Variants in CFDP1 observed in about 807,000 individuals in gnomAD.
CFDP1 encodes the protein chromatin remodeling protein CFDP1, also known as heterochromatin-stabilizing protein CFDP1.
In CFDP1, 31 loss-of-function variants were observed where a neutral mutation model predicts 40.1. That is an observed-to-expected ratio of 0.77 (90% CI 0.58 to 1.04). The LOEUF (loss-of-function observed/expected upper bound fraction) is 1.04, where lower values mean the gene tolerates loss of function less well. CFDP1 is among the 50% of genes least tolerant of loss of function. The pLI is 0.00. For missense variants in CFDP1, 423 were observed against 343.4 expected (o/e 1.23, Z -1.83); for synonymous variants, 167 against 120.0 (o/e 1.39, Z -2.56).
At chr16:75,328,009 C>T (rs1016981924) in intron 5 of CFDP1, among the ~76,000 whole-genome samples, 6 of 151,882 alleles carry the variant, frequency 4.0e-5, no homozygotes, top group Admixed American at 6.6e-5. Flanking sequence ...GGATTACAGG[C>T]GTATGCCACA....
intron 5 of CFDP1, among the ~76,000 whole-genome samples, chr16:75,336,129 C>A (rs564840113): frequency 6.6e-6 from 1 of 152,298 alleles, no homozygotes; most frequent in African/African-American, 2.4e-5. Context: ...ATCAGTATCA[C>A]TTAGGATTTT....
At position 75,306,902 on chromosome 16, in the gene CFDP1, C is replaced by CAT. The variant is rs1555552534; in HGVS notation, c.651-1721_651-1720insAT. ...TCACACACACACACACACACACACA[C>CAT]GCACACACACACACTTTCTTTTTCA... On this transcript the variant is annotated intron_variant, in intron 5 of 6. Transcript: ENST00000283882. 5.3e-3 allele frequency among the ~76,000 whole-genome samples: 787 copies of CAT among 149,566 alleles called. 9 individuals are homozygous for CAT. Among genetic ancestry groups the CAT allele is most frequent in the African/African-American group, 0.014 (582 of 40,812 alleles).
intron 5 of CFDP1, among the ~76,000 whole-genome samples, chr16:75,389,413 C>G (rs2078929385): frequency 6.6e-6 from 1 of 152,194 alleles, no homozygotes; most frequent in Non-Finnish European, 1.5e-5. Flanking sequence ...AAAACATAAA[C>G]TTTGGCTTTT....
intron 6 of CFDP1, among the ~76,000 whole-genome samples, chr16:75,300,937 G>A (rs982865913): frequency 6.6e-6 from 1 of 152,108 alleles, no homozygotes; most frequent in Admixed American, 6.5e-5. Flanking sequence ...AGCCAGCCAG[G>A]GATTCTGGGA....
intron 5 of CFDP1, among the ~76,000 whole-genome samples, chr16:75,318,741 C>T (rs551016088): frequency 9.2e-5 from 14 of 152,278 alleles, no homozygotes; most frequent in African/African-American, 3.1e-4. Flanking sequence ...TGCTTTTAGA[C>T]TTTCAGCTTT....
Position 75,347,217 on chromosome 16 carries a change from G to A in CFDP1, c.651-42035C>T, listed in dbSNP as rs943209616. On this transcript the variant is annotated intron_variant, in intron 5 of 6. Transcript: ENST00000283882. ...AAGTCAGCTGGGCATAATGGCGGGC[G>A]CTTGTAATCCCAGGTACTCAGGAGG... Among the ~76,000 whole-genome samples, 8 of 151,266 alleles carry A rather than the reference G, an allele frequency of 5.3e-5. No individual in the cohort carries two copies. In the Middle Eastern group the frequency reaches 0.017, roughly 324 times the overall value.
At chr16:75,347,127 C>T (rs971642329) in intron 5 of CFDP1, among the ~76,000 whole-genome samples, 4 of 151,838 alleles carry the variant, frequency 2.6e-5, no homozygotes, top group South Asian at 2.1e-4. Context: ...GGGTGAATCA[C>T]GGGGTCAGAG....
chr16:75,382,170 G>T (rs887826790), intron 5 of CFDP1, among the ~76,000 whole-genome samples: 1 of 151,656 alleles, frequency 6.6e-6, no homozygotes, highest in African/African-American at 2.4e-5. Flanking sequence ...ACTGAGAAGG[G>T]GTATTCTGAG....
intron 6 of CFDP1, among the ~76,000 whole-genome samples, chr16:75,297,374 G>A (rs1371774119): frequency 6.6e-6 from 1 of 152,044 alleles, no homozygotes; most frequent in Non-Finnish European, 1.5e-5. Context: ...CAAAACCCAG[G>A]GCAACCGGAA....
intron 1 of CFDP1, among the ~76,000 whole-genome samples, chr16:75,422,028 C>T (rs2151596792): frequency 6.6e-6 from 1 of 152,276 alleles, no homozygotes; most frequent in Admixed American, 6.5e-5. Flanking sequence ...GAAATAATGA[C>T]AAGGAAAAAA....
chr16:75,360,383 T>C (rs189467469), intron 5 of CFDP1, among the ~76,000 whole-genome samples: 6 of 152,286 alleles, frequency 3.9e-5, no homozygotes, highest in Non-Finnish European at 1.5e-5. Flanking sequence ...TCAAAGACAA[T>C]GCCATTAGCC....
chr16:75,334,182 T>G (rs1326811398), intron 5 of CFDP1, among the ~76,000 whole-genome samples: 4 of 151,454 alleles, frequency 2.6e-5, no homozygotes, highest in African/African-American at 7.3e-5. Context: ...AAGACTTGAC[T>G]TGCCTCCTCC....
chr16:75,409,541 T>A (rs945590173), intron 4 of CFDP1: 2 of 152,224 alleles, frequency 1.3e-5, no homozygotes, highest in Non-Finnish European at 2.9e-5. Flanking sequence ...AAAGTACTGG[T>A]CTGCTATAGA....
At chr16:75,338,898 A>T (rs1245477140) in intron 5 of CFDP1, among the ~76,000 whole-genome samples, 2 of 152,150 alleles carry the variant, frequency 1.3e-5, no homozygotes, top group Admixed American at 6.6e-5. Context: ...TCTGATGCCA[A>T]CTTGATCCTT....
rs868047498 is a variant in CFDP1, at chr16:75,412,603, C to T, written c.334G>A (p.Glu112Lys). ...TCATTGAGGAAGCTGGCCCAGAGTT[C>T]GTCCTCCTTCTTTTTCCTGGCATCC... ...SEDARKKKED[E>K]LWASFLNDVG... is the part of the protein sequence containing the mutation. Residue 112 changes from glutamate (E) to lysine (K), a missense_variant, in exon 3 of 7, where the codon GAA (glutamate) becomes AAA (lysine). By Grantham distance (56) the Glu-to-Lys change is moderately conservative. Coordinates refer to ENST00000283882, the MANE Select transcript of CFDP1 (RefSeq NM_006324.3). 8.7e-6 allele frequency: 14 copies of T among 1,614,124 alleles called. No individual in the cohort carries two copies. The highest frequency in any genetic ancestry group is 1.6e-4 in the Middle Eastern group (1 of 6,062).
intron 5 of CFDP1, among the ~76,000 whole-genome samples, chr16:75,312,023 G>T (rs916668727): frequency 1.3e-5 from 2 of 152,160 alleles, no homozygotes; most frequent in African/African-American, 4.8e-5. Context: ...ATAATTCTTC[G>T]TTGAGGGCTG....
chr16:75,375,056 T>TA (rs35633915), intron 5 of CFDP1, among the ~76,000 whole-genome samples: 77,775 of 148,096 alleles, frequency 0.53, 21,078 homozygotes, highest in Admixed American at 0.64. Flanking sequence ...TCTATGTTTC[T>TA]AAAAAAAAAA....
chr16:75,338,970 G>C (rs918814400), intron 5 of CFDP1, among the ~76,000 whole-genome samples: 1 of 152,064 alleles, frequency 6.6e-6, no homozygotes, highest in Non-Finnish European at 1.5e-5. Flanking sequence ...TGTACAATTT[G>C]AGTCTTCTTA....
At chr16:75,376,510 G>A (rs559197572) in intron 5 of CFDP1, among the ~76,000 whole-genome samples, 4 of 152,260 alleles carry the variant, frequency 2.6e-5, no homozygotes, top group East Asian at 3.9e-4. Context: ...TGTATGCTTT[G>A]ATTTCCATGA....
Sources: allele counts gnomAD v4.1 joint callset (sites outside exome capture counted in the v4.1 genomes callset), GRCh38; gene constraint gnomAD v4.1.1; transcripts MANE v1.5; gene names NCBI Gene and HGNC (gene_info 2026-07-23, HGNC 2026-07-21).